The following VCL variants were observed in gnomAD, a reference collection of about 807,000 sequenced individuals.
The protein encoded by VCL is vinculin, also known as epididymis luminal protein 114.
VCL carries 47 observed loss-of-function variants against 125.7 expected under a neutral mutation model. The ratio of observed to expected loss-of-function variants is 0.37; its 90% CI spans 0.30 to 0.48. The LOEUF is 0.48. Among genes scored for constraint, VCL ranks in the 20% least tolerant of loss-of-function variants. The probability of loss-of-function intolerance (pLI) is 0.99; values close to 1 mark genes in which losing one functional copy is unlikely to be tolerated. For synonymous variants in VCL, 458 were observed against 514.6 expected (o/e 0.89, Z 1.49); for missense variants, 1,069 against 1,455.5 (o/e 0.73, Z 4.32).
At chr10:74,018,579 A>G (rs1376412269) in intron 1 of VCL, among the ~76,000 whole-genome samples, 1 of 152,180 alleles carries the variant, frequency 6.6e-6, no homozygotes, top group African/African-American at 2.4e-5. Flanking sequence ...GAATACAAAG[A>G]TACAAGGGTG....
In VCL at chr10:74,090,017, G is replaced by C. The variant is rs768166870; in HGVS notation, c.1177-6G>C. 2.5e-6 allele frequency: 4 copies of C among 1,614,144 alleles called. 1 individual carries two copies. In the South Asian group the frequency reaches 3.3e-5, roughly 13 times the overall value. ...CAGCGTGCTGCTTCTCCGTTTCTAT[G>C]TGTAGAACTGGCTTGCAGATCCAAA... On this transcript the variant is annotated splice_region_variant and splice_polypyrimidine_tract_variant and intron_variant, in intron 9 of 21. Transcript: ENST00000211998.
At chr10:74,102,802 G>T (rs540101568) in intron 14 of VCL, among the ~76,000 whole-genome samples, 7 of 151,492 alleles carry the variant, frequency 4.6e-5, no homozygotes, top group African/African-American at 4.8e-5. Flanking sequence ...AGGAATCTAG[G>T]CTTATAACAC....
At chr10:74,032,064 CAAAAAAAA>C (rs35715975) in intron 1 of VCL, among the ~76,000 whole-genome samples, 2 of 21,050 alleles carry the variant, frequency 9.5e-5, no homozygotes. Context: ...AACTCCATCT[CAAAAAAAA>C]AAAAAAAAAA....
rs147060601 is a variant in VCL, at chr10:74,011,996, A to C, written c.168+13621A>C. On this transcript the variant is annotated intron_variant, in intron 1 of 21. Transcript: ENST00000211998. ...GGGGAAAGTGGCTGAATTTCACTGC[A>C]CTTCTTACCACAGCTGGCCACCATC... Among the ~76,000 whole-genome samples the C allele has an allele frequency of 2.9e-3, 443 of 152,340 alleles. 3 individuals are homozygous for C. Among genetic ancestry groups the C allele is most frequent in the African/African-American group, 0.01 (423 of 41,570 alleles).
intron 1 of VCL, among the ~76,000 whole-genome samples, chr10:74,041,932 C>T (rs1171946356): frequency 1.3e-5 from 2 of 152,122 alleles, no homozygotes; most frequent in Non-Finnish European, 2.9e-5. Context: ...AACAAAACAA[C>T]TTACAGTAAC....
At chr10:74,025,113 T>G (rs945894755) in intron 1 of VCL, among the ~76,000 whole-genome samples, 1 of 152,034 alleles carries the variant, frequency 6.6e-6, no homozygotes, top group Non-Finnish European at 1.5e-5. Flanking sequence ...GCCTCCTGGG[T>G]TCAAGCGATT....
At chr10:74,103,712 T>C (rs2131926588) in intron 14 of VCL, 108 bp from the exon 15 acceptor site, 1 of 1,037,820 alleles carries the variant, frequency 9.6e-7, no homozygotes, top group South Asian at 1.3e-5. Context: ...CTTGCCACTT[T>C]CTGGCTTTAC....
At position 74,114,201 on chromosome 10, in the gene VCL, A is replaced by G. The variant is rs1010419468; in HGVS notation, c.2967A>G (p.Ala989=). The part of the protein sequence containing the change: ...KWSSKGNDII[A]AAKRMALLMA... ...CCCTCTAGGGCAATGACATCATTGC[A>G]GCAGCCAAGCGCATGGCTCTGCTGA... Residue 989 remains alanine, a synonymous_variant, in exon 20 of 22, where the codon GCA becomes GCG. Coordinates refer to ENST00000211998, the MANE Select transcript of VCL (RefSeq NM_014000.3). 3 of 1,613,550 alleles carry G rather than the reference A, an allele frequency of 1.9e-6. No individual in the cohort carries two copies. The African/African-American group carries it at 4.0e-5, about 22-fold the overall frequency.
At chr10:74,013,055 C>T (rs1245338742) in intron 1 of VCL, among the ~76,000 whole-genome samples, 1 of 152,132 alleles carries the variant, frequency 6.6e-6, no homozygotes. Context: ...CTGTGTTTGT[C>T]TCTGAATTTT....
Position 74,118,005 on chromosome 10 carries a change from G to A in VCL, c.3259-18G>A. ...CATCAGGGACCCTGGGTAACGGAAAGTACCTTTTTCCTTGCAGGCCACAGA... is the reference window on the plus strand; with the variant it reads ...CATCAGGGACCCTGGGTAACGGAAAATACCTTTTTCCTTGCAGGCCACAGA... On this transcript the variant is annotated intron_variant, in intron 21 of 21. Coordinates refer to ENST00000211998, the MANE Select transcript of VCL (RefSeq NM_014000.3). 1 of 1,613,796 alleles carries A rather than the reference G, an allele frequency of 6.2e-7. No homozygotes were observed. The highest frequency in any genetic ancestry group is 8.5e-7 in the Non-Finnish European group (1 of 1,180,026).
chr10:74,068,999 A>G (rs965603195), intron 2 of VCL, among the ~76,000 whole-genome samples: 3 of 151,768 alleles, frequency 2.0e-5, no homozygotes, highest in Non-Finnish European at 2.9e-5. Context: ...GCCACATCAA[A>G]CAGGTCTTGC....
At chr10:74,111,260 T>G (rs150704912) in intron 18 of VCL, among the ~76,000 whole-genome samples, 46 of 152,344 alleles carry the variant, frequency 3.0e-4, no homozygotes, top group Non-Finnish European at 8.8e-5. Context: ...ACTTAAGTTC[T>G]CTTCAGTCAC....
At chr10:74,022,477 C>T (rs1840688809) in intron 1 of VCL, among the ~76,000 whole-genome samples, 1 of 151,632 alleles carries the variant, frequency 6.6e-6, no homozygotes, top group African/African-American at 2.4e-5. Context: ...ACCCAGGAGG[C>T]AGCAGTTGCA....
intron 5 of VCL, among the ~76,000 whole-genome samples, chr10:74,074,184 C>T (rs112743588): frequency 0.063 from 9,566 of 152,204 alleles, 1,028 homozygotes; most frequent in African/African-American, 0.22. Flanking sequence ...TGCAGTGAGC[C>T]GAGATCACGC....
At chr10:74,084,709 T>C (rs545958185) in intron 8 of VCL, among the ~76,000 whole-genome samples, 2 of 152,130 alleles carry the variant, frequency 1.3e-5, no homozygotes, top group South Asian at 4.2e-4. Flanking sequence ...GCCTCCTGGG[T>C]TCAAGTGATT....
intron 2 of VCL, among the ~76,000 whole-genome samples, chr10:74,049,550 G>A (rs1273286886): frequency 6.6e-6 from 1 of 152,170 alleles, no homozygotes; most frequent in Non-Finnish European, 1.5e-5. Flanking sequence ...GGCTTGGGAG[G>A]ATGGTTAGAT....
chr10:74,006,103 C>T (rs1418617180), intron 1 of VCL, among the ~76,000 whole-genome samples: 1 of 152,122 alleles, frequency 6.6e-6, no homozygotes, highest in African/African-American at 2.4e-5. Flanking sequence ...CCAGGCTGCT[C>T]TTGAACTCCT....
intron 18 of VCL, among the ~76,000 whole-genome samples, chr10:74,109,790 T>C (rs1054887781): frequency 1.3e-5 from 2 of 152,216 alleles, no homozygotes. Context: ...CCCTAAATGA[T>C]GAAAAGTGAG....
chr10:74,058,112 G>A (rs563113489), intron 2 of VCL, among the ~76,000 whole-genome samples: 1 of 152,282 alleles, frequency 6.6e-6, no homozygotes, highest in East Asian at 1.9e-4. Flanking sequence ...TAAGAAAAGA[G>A]GAAGAATAGC....
Sources: gnomAD v4.1 joint callset for allele counts (sites outside exome capture counted in the v4.1 genomes callset) on GRCh38, gnomAD v4.1.1 for gene constraint, MANE v1.5 for transcripts, NCBI Gene and HGNC (gene_info 2026-07-23, HGNC 2026-07-21) for gene names.